LARGE1: variants seen among roughly 807,000 people sequenced by gnomAD.
LARGE1 encodes LARGE xylosyl- and glucuronyltransferase 1, also known as xylosyl- and glucuronyltransferase LARGE1.
LARGE1 carries 43 observed loss-of-function variants against 87.6 expected under a neutral mutation model. The observed-to-expected ratio is 0.49, with a 90% CI of 0.38 to 0.63. The LOEUF (loss-of-function observed/expected upper bound fraction) is 0.63, where lower values mean the gene tolerates loss of function less well. LARGE1 is among the 30% of genes least tolerant of loss of function. LARGE1 has a pLI of 0.00. For missense variants in LARGE1, 802 were observed against 1,000.2 expected, an observed-to-expected ratio of 0.80 and a Z score of 2.67; for synonymous variants, 434 against 394.6, an observed-to-expected ratio of 1.10 and a Z score of -1.18.
chr22:33,434,428 G>A (rs1397073166), intron 6 of LARGE1, among the ~76,000 whole-genome samples: 1 of 152,192 alleles, frequency 6.6e-6, no homozygotes, highest in Admixed American at 6.5e-5. Flanking sequence ...AGCCTCCCGA[G>A]TAGCTGGGAC....
intron 1 of LARGE1, among the ~76,000 whole-genome samples, chr22:33,816,701 C>CAG (rs1569457227): frequency 1.3e-5 from 1 of 75,156 alleles, no homozygotes; most frequent in Admixed American, 1.8e-4. Context: ...GACAGACAGA[C>CAG]AGACAGACAG....
chr22:33,436,324 C>T (rs183651670), intron 6 of LARGE1, among the ~76,000 whole-genome samples: 5 of 152,332 alleles, frequency 3.3e-5, no homozygotes, highest in East Asian at 1.9e-4. Flanking sequence ...AACCCGAAAG[C>T]CCCTGATAGA....
chr22:33,559,142 G>T (rs9621720), intron 6 of LARGE1, among the ~76,000 whole-genome samples: 8 of 152,174 alleles, frequency 5.3e-5, no homozygotes, highest in Non-Finnish European at 1.0e-4. Flanking sequence ...TCAAGGCTCC[G>T]GCAGATCAGA....
At chr22:33,652,565 A>G (rs2080851582) in intron 2 of LARGE1, among the ~76,000 whole-genome samples, 1 of 152,090 alleles carries the variant, frequency 6.6e-6, no homozygotes, top group Admixed American at 6.5e-5. Flanking sequence ...GGGGTTACCA[A>G]GCAAAAAAAG....
At position 33,642,783 on chromosome 22, in the gene LARGE1, C is replaced by A. The variant is rs187141634; in HGVS notation, c.408+7584G>T. 2.9e-5 allele frequency among the ~76,000 whole-genome samples: 3 copies of A among 104,582 alleles called. No homozygotes were observed. The East Asian group carries it at 9.2e-4, about 32-fold the overall frequency. 68.6% of individuals were successfully genotyped at this position (104,582 alleles called of 152,430 possible). On this transcript the variant is annotated intron_variant, in intron 3 of 14. Transcript: ENST00000397394. ...TCTGATAAAACACACTTTAAATCAA[C>A]AAAGACCAAAAGAGACAAAGAAGTG...
intron 2 of LARGE1, among the ~76,000 whole-genome samples, chr22:33,695,197 G>T (rs1351661295): frequency 6.7e-6 from 1 of 149,952 alleles, no homozygotes; most frequent in South Asian, 2.1e-4. Context: ...TCTGCCTCCC[G>T]GGTTCAAGTG....
intron 2 of LARGE1, among the ~76,000 whole-genome samples, chr22:33,740,637 G>A (rs1013297692): frequency 1.1e-4 from 17 of 152,278 alleles, no homozygotes; most frequent in Middle Eastern, 3.4e-3. Flanking sequence ...AAGAGAAAAA[G>A]AAGGGGTTAG....
rs534027249 is a variant in LARGE1 at position 33,424,543 on chromosome 22, C to T, written c.892+7618G>A. Among the ~76,000 whole-genome samples, 317 of 152,250 alleles carry T rather than the reference C, an allele frequency of 2.1e-3. 1 individual carries two copies. The highest frequency in any genetic ancestry group is 7.3e-3 in the African/African-American group (303 of 41,548). ...AATTCACACATTAAAGTCCTAAACCCGTCCAGGCATAGTGGCTCACACCTG... is the reference window on the plus strand; with the variant it reads ...AATTCACACATTAAAGTCCTAAACCTGTCCAGGCATAGTGGCTCACACCTG... On this transcript the variant is annotated intron_variant, in intron 7 of 14. Coordinates refer to ENST00000397394, the MANE Select transcript of LARGE1 (RefSeq NM_133642.5).
chr22:33,733,627 CCCATCCATCCATCTATCCATCTAT>C (rs1213052176), intron 2 of LARGE1: 1 of 151,972 alleles, frequency 6.6e-6, no homozygotes, highest in Non-Finnish European at 1.5e-5. Context: ...TAATTTTTTA[CCCATCCATCCATCTATCCATCTAT>C]CCATCCATCC....
intron 6 of LARGE1, among the ~76,000 whole-genome samples, chr22:33,508,857 C>T (rs2070898707): frequency 6.6e-6 from 1 of 152,108 alleles, no homozygotes; most frequent in South Asian, 2.1e-4. Context: ...TGGGAAAAAA[C>T]CCAGAGTGAA....
At chr22:33,732,172 C>G (rs1049713592) in intron 2 of LARGE1, 1 of 152,162 alleles carries the variant, frequency 6.6e-6, no homozygotes, top group Admixed American at 6.5e-5. Flanking sequence ...CCAGAAAGGA[C>G]ATCAGAAATG....
At chr22:33,462,894 A>G (rs1255344605) in intron 6 of LARGE1, among the ~76,000 whole-genome samples, 2 of 152,250 alleles carry the variant, frequency 1.3e-5, no homozygotes, top group African/African-American at 4.8e-5. Flanking sequence ...CAAGCATGTA[A>G]CTCAGAAGGA....
chr22:33,764,127 C>T (rs1328299629), intron 1 of LARGE1, among the ~76,000 whole-genome samples: 1 of 152,102 alleles, frequency 6.6e-6, no homozygotes, highest in Non-Finnish European at 1.5e-5. Context: ...GGATTACAGG[C>T]GTGAGCCACC....
chr22:33,661,765 C>A (rs558143589), intron 2 of LARGE1, among the ~76,000 whole-genome samples: 2 of 152,170 alleles, frequency 1.3e-5, no homozygotes, highest in African/African-American at 4.8e-5. Flanking sequence ...AAGGATCCAA[C>A]AGAATGATGA....
intron 6 of LARGE1, among the ~76,000 whole-genome samples, chr22:33,478,854 C>A (rs753554280): frequency 6.6e-6 from 1 of 152,134 alleles, no homozygotes; most frequent in African/African-American, 2.4e-5. Flanking sequence ...GAGAGGGCAT[C>A]GCTAACTATC....
chr22:33,495,894 G>T (rs554330900), intron 6 of LARGE1, among the ~76,000 whole-genome samples: 2 of 152,254 alleles, frequency 1.3e-5, no homozygotes, highest in East Asian at 3.9e-4. Context: ...TCCTCAGTGT[G>T]GTGGTATTAG....
intron 6 of LARGE1, among the ~76,000 whole-genome samples, chr22:33,548,508 C>T (rs928463035): frequency 1.2e-4 from 19 of 152,278 alleles, no homozygotes; most frequent in African/African-American, 3.4e-4. Flanking sequence ...CTCCACCTCC[C>T]GGGTACAGGC....
chr22:33,223,734 G>A (rs934658750), intron 11 of LARGE1, among the ~76,000 whole-genome samples: 2 of 152,180 alleles, frequency 1.3e-5, no homozygotes, highest in Non-Finnish European at 2.9e-5. Context: ...TCAAGGAACC[G>A]TACTTGTTAT....
chr22:33,909,566 C>T (rs900572123), intron 1 of LARGE1, among the ~76,000 whole-genome samples: 6 of 151,358 alleles, frequency 4.0e-5, no homozygotes, highest in African/African-American at 7.3e-5. Context: ...GACGGAGTCT[C>T]GCTCTGTCAT....
Sources: gnomAD v4.1 joint callset for allele counts (sites outside exome capture counted in the v4.1 genomes callset) on GRCh38, gnomAD v4.1.1 for gene constraint, MANE v1.5 for transcripts, NCBI Gene and HGNC (gene_info 2026-07-23, HGNC 2026-07-21) for gene names.